The following SPTB variants were observed in gnomAD, a reference collection of about 807,000 sequenced individuals.
SPTB encodes spectrin beta, erythrocytic.
A neutral mutation model predicts 256.2 loss-of-function variants in SPTB; 45 were observed. That is an observed-to-expected ratio of 0.18 (90% CI 0.14 to 0.23). The LOEUF is 0.23. Ranked by LOEUF, SPTB falls within the 10% of genes least tolerant of loss-of-function variation. The pLI is 1.00. For missense variants in SPTB, 2,715 were observed against 3,040.4 expected (o/e 0.89, Z 2.52); for synonymous variants, 1,231 against 1,243.1 (o/e 0.99, Z 0.21).
At chr14:64,864,212 T>C (rs1882020581) in intron 1 of SPTB, among the ~76,000 whole-genome samples, 1 of 152,034 alleles carries the variant, frequency 6.6e-6, no homozygotes, top group African/African-American at 2.4e-5. Context: ...ATCCCAACAC[T>C]TTGGGAGGCC....
Position 64,779,880 on chromosome 14 carries a change from C to T in SPTB, c.4318G>A (p.Ala1440Thr). The change falls in exon 21 of 36, where the codon GCC becomes ACC. Residue 1440 changes from alanine to threonine, a missense_variant. Coordinates refer to ENST00000644917, the MANE Select transcript of SPTB (RefSeq NM_001355436.2). This position sits in a 1 kb window ranked among gnomAD's most constrained non-coding sequence, Gnocchi z 4.2. ...TCCTCTCCCATTGAAGGCACCTGGG[C>T]AAACAGCTCCCCCAGCTCCTCTTTT... is the stretch of plus-strand genomic sequence containing the variant. ...VRKEELGELF[A>T]QVPSMGEEGG... 1 of 1,614,088 alleles carries T rather than the reference C, an allele frequency of 6.2e-7. No homozygotes were observed. Among genetic ancestry groups the T allele is most frequent in the East Asian group, 2.2e-5 (1 of 44,876 alleles).
chr14:64,801,394 G>T lies in SPTB; in HGVS notation c.654C>A (p.Asp218Glu), dbSNP rs1186772948. 6.2e-7 allele frequency: 1 copy of T among 1,613,850 alleles called. No homozygotes were observed. Among genetic ancestry groups the T allele is most frequent in the East Asian group, 2.2e-5 (1 of 44,880 alleles). The change falls in exon 7 of 36, where the codon GAC becomes GAA. Residue 218 changes from aspartate to glutamate, a missense_variant. Physicochemically the swap from Asp to Glu is conservative, Grantham distance 45. This residue lies in a region of SPTB where 416 missense variants were observed against 571.1 expected (regional missense o/e 0.73). Transcript: ENST00000644917. ...CCTTCAGCTTATCAAAGTCGATCAG[G>T]TCGGGCCTGGGGACAAAACTGGACT... ...FNALIHKHRP[D>E]LIDFDKLKDS...
intron 32 of SPTB, chr14:64,763,892 C>T (rs903655933): frequency 1.9e-5 from 10 of 518,612 alleles, no homozygotes; most frequent in African/African-American, 1.9e-5. Context: ...TCAGTCACCA[C>T]GTGCACACAC....
At position 64,841,281 on chromosome 14, in the gene SPTB, A is replaced by T. The variant is rs2083602723; in HGVS notation, c.-51-18136T>A. On this transcript the variant is annotated intron_variant, in intron 1 of 35. Transcript: ENST00000644917. This position sits in a 1 kb window ranked among gnomAD's most constrained non-coding sequence, Gnocchi z 4.6. ...CCAGGATTCAAACGCAGGCAGTCTGAGTCAGAGCCCCTGCCCTTACCTCCT... is the reference window on the plus strand; with the variant it reads ...CCAGGATTCAAACGCAGGCAGTCTGTGTCAGAGCCCCTGCCCTTACCTCCT... 6.6e-6 allele frequency among the ~76,000 whole-genome samples: 1 copy of T among 152,206 alleles called. No homozygotes were observed. The highest frequency in any genetic ancestry group is 2.4e-5 in the African/African-American group (1 of 41,450).
chr14:64,759,509 C>A lies in SPTB; in HGVS notation c.6346-5716G>T, dbSNP rs904641863. ...AGAGGGGATGAGGGGAGGCTGCCCC[C>A]CTGTAAGCAGGCCATGGTCTGAGGT... On this transcript the variant is annotated intron_variant, in intron 32 of 35. Coordinates refer to ENST00000644917, the MANE Select transcript of SPTB (RefSeq NM_001355436.2). The surrounding 1 kb of genome is among the most constrained non-coding windows in gnomAD (Gnocchi z 4.8). Among the ~76,000 whole-genome samples, 2 of 152,204 alleles carry A rather than the reference C, an allele frequency of 1.3e-5. No homozygotes were observed. Among genetic ancestry groups the A allele is most frequent in the East Asian group, 1.9e-4 (1 of 5,198 alleles).
chr14:64,875,411 C>T (rs932899128), intron 1 of SPTB, among the ~76,000 whole-genome samples: 1 of 152,226 alleles, frequency 6.6e-6, no homozygotes, highest in African/African-American at 2.4e-5. Context: ...CACACTATGG[C>T]ATTTTCTAAA....
intron 32 of SPTB, chr14:64,755,893 C>T (rs898302880): frequency 6.6e-6 from 1 of 152,160 alleles, no homozygotes; most frequent in Non-Finnish European, 1.5e-5. Flanking sequence ...CCAATATACA[C>T]CCTTCCTGGA....
rs151061003 is a variant in SPTB, at chr14:64,764,703, C to T, written c.6345+2023G>A. Among the ~76,000 whole-genome samples, 2,221 of 152,238 alleles carry T rather than the reference C, an allele frequency of 0.015. 24 individuals carry two copies. The highest frequency in any genetic ancestry group is 0.022 in the Non-Finnish European group (1,502 of 68,004). On this transcript the variant is annotated intron_variant, in intron 32 of 35. Coordinates refer to ENST00000644917, the MANE Select transcript of SPTB (RefSeq NM_001355436.2). The surrounding 1 kb of genome is among the most constrained non-coding windows in gnomAD (Gnocchi z 4.2). ...CAGAGGAGCCCGCACACCAGGACAC[C>T]GCCACATGCAGACACACAGGGACGC...
chr14:64,801,102 C>G (rs1394903096), intron 7 of SPTB, among the ~76,000 whole-genome samples, 183 bp downstream of exon 7: 16 of 152,214 alleles, frequency 1.1e-4, no homozygotes. Flanking sequence ...GGCATGGGAA[C>G]CAGCATGGAG....
In SPTB at chr14:64,847,364, G is replaced by A. The variant is rs148502961; in HGVS notation, c.-51-24219C>T. Among the ~76,000 whole-genome samples, 4 of 152,162 alleles carry A rather than the reference G, an allele frequency of 2.6e-5. No individual in the cohort carries two copies. Among genetic ancestry groups the A allele is most frequent in the Non-Finnish European group, 5.9e-5 (4 of 68,026 alleles). Reference sequence around the variant, plus strand: ...ATCAGACAGCCCTCTTCCAAGTGTCGTATCATGTCTCAGGCTAAGAGGACC... The same window carrying A: ...ATCAGACAGCCCTCTTCCAAGTGTCATATCATGTCTCAGGCTAAGAGGACC... On this transcript the variant is annotated intron_variant, in intron 1 of 35. Transcript: ENST00000644917. This position sits in a 1 kb window ranked among gnomAD's most constrained non-coding sequence, Gnocchi z 5.9.
intron 2 of SPTB, among the ~76,000 whole-genome samples, chr14:64,820,261 A>G (rs2269293): frequency 0.15 from 23,545 of 152,084 alleles, 2,239 homozygotes; most frequent in African/African-American, 0.26. Flanking sequence ...TGGCCCCAAC[A>G]ACAGTACTGA....
intron 1 of SPTB, among the ~76,000 whole-genome samples, chr14:64,867,343 A>C (rs1440607777): frequency 6.6e-6 from 1 of 152,184 alleles, no homozygotes; most frequent in Non-Finnish European, 1.5e-5. Flanking sequence ...TGAGTTGGGC[A>C]CGAGTGTCCC....
At chr14:64,805,820 A>C (rs990760523) in intron 2 of SPTB, among the ~76,000 whole-genome samples, 2 of 152,222 alleles carry the variant, frequency 1.3e-5, no homozygotes, top group African/African-American at 4.8e-5. Context: ...GGGGAGGAAA[A>C]TGATGAGCAA....
At position 64,796,118 on chromosome 14, in the gene SPTB, A is replaced by T. The variant is rs550082534; in HGVS notation, c.1341+439T>A. On this transcript the variant is annotated intron_variant, in intron 11 of 35. Transcript: ENST00000644917. This position sits in a 1 kb window ranked among gnomAD's most constrained non-coding sequence, Gnocchi z 4.1. Reference sequence around the variant, plus strand: ...GAATCTAATTTGATTCCAAGCTTTAAGTGAGAGGGAACAGATGCTCTGATG... The same window carrying T: ...GAATCTAATTTGATTCCAAGCTTTATGTGAGAGGGAACAGATGCTCTGATG... Among the ~76,000 whole-genome samples the T allele has an allele frequency of 6.6e-6, 1 of 152,202 alleles. No homozygotes were observed. The highest frequency in any genetic ancestry group is 1.5e-5 in the Non-Finnish European group (1 of 68,036).
rs2083797916 is a variant in SPTB, at chr14:64,852,097, A to C, written c.-52+27695T>G. ...AAAAGTTGTAAAAACAGGCTAGGTGACAACGAGGAAAGGGAAGTACCTGGG... is the reference window on the plus strand; with the variant it reads ...AAAAGTTGTAAAAACAGGCTAGGTGCCAACGAGGAAAGGGAAGTACCTGGG... On this transcript the variant is annotated intron_variant, in intron 1 of 35. Transcript: ENST00000644917. This position sits in a 1 kb window ranked among gnomAD's most constrained non-coding sequence, Gnocchi z 4.2. Among the ~76,000 whole-genome samples the C allele has an allele frequency of 6.6e-6, 1 of 152,218 alleles. No individual in the cohort carries two copies. Among genetic ancestry groups the C allele is most frequent in the East Asian group, 1.9e-4 (1 of 5,204 alleles).
In SPTB at chr14:64,796,854, T is replaced by C; in HGVS notation, c.1183-139A>G. 8.8e-7 allele frequency: 1 copy of C among 1,130,894 alleles called. No individual in the cohort carries two copies. Among genetic ancestry groups the C allele is most frequent in the South Asian group, 1.3e-5 (1 of 75,316 alleles). The allele number at this position is 1,130,894 out of a possible 1,614,324, so 70.1% of individuals were successfully genotyped here. A position where few individuals can be genotyped will look rare whatever the true frequency, so the allele number is the denominator to read the frequency against. ...TGCTCTTGGGTGACGTGGTAGCAGA[T>C]TAAAGATCAATAAAAGCCTTTGGCT... On this transcript the variant is annotated intron_variant, in intron 10 of 35. Coordinates refer to ENST00000644917, the MANE Select transcript of SPTB (RefSeq NM_001355436.2). The surrounding 1 kb of genome is among the most constrained non-coding windows in gnomAD (Gnocchi z 4.1).
intron 1 of SPTB, among the ~76,000 whole-genome samples, chr14:64,840,905 T>C (rs929151179): frequency 4.6e-5 from 7 of 152,162 alleles, no homozygotes; most frequent in Non-Finnish European, 1.0e-4. Flanking sequence ...ATTAACCAAA[T>C]ATTTCCCAAA....
chr14:64,792,896 A>G lies in SPTB; in HGVS notation c.2666+101T>C. 6.4e-7 allele frequency: 1 copy of G among 1,551,186 alleles called. No individual in the cohort carries two copies. Among genetic ancestry groups the G allele is most frequent in the Non-Finnish European group, 8.8e-7 (1 of 1,132,636 alleles). ...AACAAAGGACATCCCAGGGCCTCTC[A>G]AAGAGACCTTTGCTGATCCAGAGAC... is the stretch of plus-strand genomic sequence containing the variant. On this transcript the variant is annotated intron_variant, in intron 14 of 35. Coordinates refer to ENST00000644917, the MANE Select transcript of SPTB (RefSeq NM_001355436.2). This position sits in a 1 kb window ranked among gnomAD's most constrained non-coding sequence, Gnocchi z 4.2.
rs1424296476 is a variant in SPTB at position 64,775,002 on chromosome 14, T to C, written c.4842+123A>G. ...GGAGGGCAGGGAGTCTGTGGGTTCCTTGTGCCCCTCCCCTGGCCTCACTCC... is the reference window on the plus strand; with the variant it reads ...GGAGGGCAGGGAGTCTGTGGGTTCCCTGTGCCCCTCCCCTGGCCTCACTCC... On this transcript the variant is annotated intron_variant, in intron 23 of 35. Coordinates refer to ENST00000644917, the MANE Select transcript of SPTB (RefSeq NM_001355436.2). The surrounding 1 kb of genome is among the most constrained non-coding windows in gnomAD (Gnocchi z 5.0). 1.4e-6 allele frequency: 2 copies of C among 1,412,872 alleles called. No homozygotes were observed. The highest frequency in any genetic ancestry group is 2.0e-6 in the Non-Finnish European group (2 of 1,010,510). 87.5% of individuals were successfully genotyped at this position (1,412,872 alleles called of 1,614,324 possible).
Sources: gnomAD v4.1 joint callset for allele counts (sites outside exome capture counted in the v4.1 genomes callset) on GRCh38, gnomAD v4.1.1 for gene constraint, gnomAD v4.1.1 regional missense constraint, Gnocchi (gnomAD v3.1) non-coding constraint, MANE v1.5 for transcripts, NCBI Gene and HGNC (gene_info 2026-07-23, HGNC 2026-07-21) for gene names.